Variants in PAXIP1 observed in about 807,000 individuals in gnomAD.
PAXIP1 encodes PAX-interacting protein 1.
PAXIP1 carries 19 observed loss-of-function variants against 140.6 expected under a neutral mutation model. The observed-to-expected ratio is 0.14, with a 90% CI of 0.09 to 0.20. The LOEUF is 0.20. Ranked by LOEUF, PAXIP1 falls within the 10% of genes least tolerant of loss-of-function variation. PAXIP1 has a pLI of 1.00. For missense variants in PAXIP1, 920 were observed against 1,208.6 expected (o/e 0.76, Z 3.54); for synonymous variants, 442 against 444.6 (o/e 0.99, Z 0.07).
rs1246880502 is a variant in PAXIP1 at position 155,002,769 on chromosome 7, G to T, written c.81+80C>A. On this transcript the variant is annotated intron_variant, in intron 1 of 20. Transcript: ENST00000404141. ...CTGCGCCCGGCGCGCGCCCGCGGCA[G>T]GAGCGGGGACGGGGACGGGGACGGG... 1.0e-5 allele frequency: 8 copies of T among 765,688 alleles called. No homozygotes were observed. In the African/African-American group the frequency reaches 1.3e-4, roughly 12 times the overall value. The allele number at this position is 765,688 out of a possible 1,614,324, so 47.4% of individuals were successfully genotyped here. A position where few individuals can be genotyped will look rare whatever the true frequency, so the allele number is the denominator to read the frequency against.
chr7:154,997,350 TCAAA>T (rs1366846055), intron 2 of PAXIP1, among the ~76,000 whole-genome samples: 6 of 152,356 alleles, frequency 3.9e-5, no homozygotes, highest in South Asian at 2.1e-4. Context: ...ACTCCTGGCC[TCAAA>T]CAATCCTTCC....
At chr7:154,955,407 G>T in intron 15 of PAXIP1, 122 bp downstream of exon 15, 1 of 625,278 alleles carries the variant, frequency 1.6e-6, no homozygotes. Flanking sequence ...TCATAAATAT[G>T]CACCATAAAG....
At chr7:154,982,496 A>G (rs7798887) in intron 5 of PAXIP1, among the ~76,000 whole-genome samples, 89,967 of 151,998 alleles carry the variant, frequency 0.59, 26,741 homozygotes, top group Admixed American at 0.67. Flanking sequence ...GATTACAAGC[A>G]CATGCCACCA....
intron 2 of PAXIP1, among the ~76,000 whole-genome samples, chr7:154,995,516 T>C (rs557056081): frequency 2.0e-5 from 3 of 152,130 alleles, no homozygotes; most frequent in Admixed American, 1.3e-4. Context: ...AAAAGCAAAG[T>C]GATAAGGAAC....
intron 6 of PAXIP1, among the ~76,000 whole-genome samples, chr7:154,972,760 C>T (rs1809386893): frequency 6.6e-6 from 1 of 152,248 alleles, no homozygotes; most frequent in South Asian, 2.1e-4. Flanking sequence ...CAGGACAGGT[C>T]CACTGCGTGG....
intron 5 of PAXIP1, among the ~76,000 whole-genome samples, chr7:154,982,758 G>T (rs75060865): frequency 6.6e-6 from 1 of 152,164 alleles, no homozygotes; most frequent in Admixed American, 6.5e-5. Context: ...TCAAGGATGA[G>T]AGCCCTATGC....
rs1563355983 is a variant in PAXIP1 at position 154,944,147 on chromosome 7, C to T, written c.*2G>A. ...TCGACATGCACGGCAGCCTAGACGC[C>T]ATCAGTTAAACTTATATGTAGGCTT... On this transcript the variant is annotated 3_prime_UTR_variant, in exon 21 of 21. Coordinates refer to ENST00000404141, the MANE Select transcript of PAXIP1 (RefSeq NM_007349.4). The T allele has an allele frequency of 6.2e-7, 1 of 1,611,218 alleles. No homozygotes were observed. Among genetic ancestry groups the T allele is most frequent in the African/African-American group, 1.3e-5 (1 of 74,858 alleles).
chr7:154,998,886 AAC>A (rs1015413910), intron 1 of PAXIP1, 102 bp from the exon 2 acceptor site: 6 of 970,378 alleles, frequency 6.2e-6, no homozygotes, highest in Non-Finnish European at 9.1e-6. Context: ...TTTTAATAAA[AAC>A]ACACCATATT....
intron 6 of PAXIP1, chr7:154,974,649 T>G (rs1809483564): frequency 6.6e-6 from 1 of 152,192 alleles, no homozygotes; most frequent in Admixed American, 6.5e-5. Context: ...CACCTGCTAT[T>G]ACGGGACCCT....
intron 8 of PAXIP1, among the ~76,000 whole-genome samples, chr7:154,966,915 T>A (rs1809051327): frequency 1.3e-5 from 2 of 152,210 alleles, no homozygotes; most frequent in Admixed American, 1.3e-4. Flanking sequence ...CACCCTCCTG[T>A]CAGTTTCACC....
intron 8 of PAXIP1, chr7:154,964,125 C>G (rs1808894160): frequency 5.6e-6 from 1 of 178,710 alleles, no homozygotes; most frequent in Non-Finnish European, 1.2e-5. Context: ...AACTTCTACC[C>G]ACCCTATGCC....
chr7:154,996,439 A>G (rs1420517730), intron 2 of PAXIP1, among the ~76,000 whole-genome samples: 1 of 152,214 alleles, frequency 6.6e-6, no homozygotes, highest in African/African-American at 2.4e-5. Context: ...AAATGGTGAT[A>G]ATCCTAGATG....
chr7:154,983,147 TC>T (rs1018279496), intron 5 of PAXIP1, 71 bp downstream of exon 5: 4 of 713,804 alleles, frequency 5.6e-6, no homozygotes, highest in Middle Eastern at 2.4e-4. Context: ...TAAAAGAAGC[TC>T]AAAAAAGACA....
chr7:154,992,988 G>C (rs1810419152), intron 3 of PAXIP1, among the ~76,000 whole-genome samples: 1 of 152,148 alleles, frequency 6.6e-6, no homozygotes, highest in African/African-American at 2.4e-5. Context: ...TCTCTTGCCA[G>C]GTCTAAAATT....
At chr7:154,987,206 C>A (rs1370581193) in intron 4 of PAXIP1, among the ~76,000 whole-genome samples, 10 of 152,356 alleles carry the variant, frequency 6.6e-5, no homozygotes, top group African/African-American at 2.4e-4. Context: ...GTGATGCTCA[C>A]TGAGCCAGCT....
At chr7:154,955,964 C>T (rs1293346500) in intron 14 of PAXIP1, among the ~76,000 whole-genome samples, 2 of 152,202 alleles carry the variant, frequency 1.3e-5, no homozygotes, top group Non-Finnish European at 2.9e-5. Context: ...TGCTTCTAAA[C>T]ATCACTGATT....
intron 20 of PAXIP1, chr7:154,945,755 C>G: frequency 2.0e-6 from 2 of 985,304 alleles, no homozygotes; most frequent in Non-Finnish European, 2.4e-6. Flanking sequence ...TTTTGCTTCA[C>G]TGATAGGCTG....
intron 5 of PAXIP1, among the ~76,000 whole-genome samples, chr7:154,982,322 T>C (rs1809878674): frequency 6.6e-6 from 1 of 152,120 alleles, no homozygotes; most frequent in Admixed American, 6.6e-5. Flanking sequence ...GCTCATCTGA[T>C]TAGGTCTGGG....
At chr7:154,953,744 G>GA (rs965176801) in intron 16 of PAXIP1, among the ~76,000 whole-genome samples, 8 of 152,128 alleles carry the variant, frequency 5.3e-5, no homozygotes, top group Non-Finnish European at 1.2e-4. Context: ...ATCAATCTAA[G>GA]AAAAAACTAT....
Sources: allele counts gnomAD v4.1 joint callset (sites outside exome capture counted in the v4.1 genomes callset), GRCh38; gene constraint gnomAD v4.1.1; transcripts MANE v1.5; gene names NCBI Gene and HGNC (gene_info 2026-07-23, HGNC 2026-07-21).